RTL1: variants seen among roughly 807,000 people sequenced by gnomAD.
RTL1 encodes retrotransposon-like protein 1.
For missense variants in RTL1, 1,681 were observed against 1,767.5 expected (o/e 0.95, Z 0.88); for synonymous variants, 727 against 748.4 (o/e 0.97, Z 0.47).
At chr14:100,890,337 A>G (rs1404074963) in intron 3 of RTL1, among the ~76,000 whole-genome samples, 1 of 151,756 alleles carries the variant, frequency 6.6e-6, no homozygotes, top group East Asian at 1.9e-4. Context: ...CAAATCCCTC[A>G]GCAAATACCT....
At chr14:100,890,393 A>G (rs1349204801) in intron 3 of RTL1, among the ~76,000 whole-genome samples, 1 of 150,938 alleles carries the variant, frequency 6.6e-6, no homozygotes, top group Non-Finnish European at 1.5e-5. Context: ...TGATTTTAAA[A>G]ATAGAGCTTG....
At position 100,886,152 on chromosome 14, in the gene RTL1, C is replaced by G. The variant is rs1006003629; in HGVS notation, c.-86-1278G>C. Among the ~76,000 whole-genome samples the G allele has an allele frequency of 6.0e-5, 9 of 150,274 alleles. No individual in the cohort carries two copies. In the East Asian group the frequency reaches 1.6e-3, roughly 26 times the overall value. On this transcript the variant is annotated intron_variant, in intron 3 of 3. Coordinates refer to ENST00000649591, the MANE Select transcript of RTL1 (RefSeq NM_001134888.3). ...ATAGATTAACTGTAAAGCTACTGCT[C>G]TTTATAAATTTAACACCTTTTGTTA...
chr14:100,888,328 C>T (rs991471543), intron 3 of RTL1, among the ~76,000 whole-genome samples: 9 of 152,182 alleles, frequency 5.9e-5, no homozygotes, highest in African/African-American at 1.9e-4. Flanking sequence ...TAAAACTTCT[C>T]GAGGTTTCTT....
At position 100,884,618 on chromosome 14, in the gene RTL1, C is replaced by T. The variant is rs759857950; in HGVS notation, c.171G>A (p.Glu57=). Residue 57 remains glutamate (E), a synonymous_variant, in exon 4 of 4, where the codon GAG becomes GAA. Coordinates refer to ENST00000649591, the MANE Select transcript of RTL1 (RefSeq NM_001134888.3). The part of the protein sequence containing the change: ...PASGPAQEKK[E]PPSGPLQEME... ...TTTCCTGGAGTGGGCCACTGGGGGG[C>T]TCCTTCTTTTCCTGGGCTGGGCCGC... 11 of 1,613,692 alleles carry T rather than the reference C, an allele frequency of 6.8e-6. No homozygotes were observed. In the South Asian group the frequency reaches 9.9e-5, roughly 15 times the overall value.
At chr14:100,885,305 C>A (rs2140039100) in intron 3 of RTL1, among the ~76,000 whole-genome samples, 1 of 152,332 alleles carries the variant, frequency 6.6e-6, no homozygotes, top group African/African-American at 2.4e-5. Flanking sequence ...CCATCCAAAG[C>A]CACCCCTGGC....
chr14:100,884,057 G>A lies in RTL1; in HGVS notation c.732C>T (p.His244=), dbSNP rs764573462. 6.4e-7 allele frequency: 1 copy of A among 1,551,736 alleles called. No individual in the cohort carries two copies. Among genetic ancestry groups the A allele is most frequent in the Non-Finnish European group, 8.7e-7 (1 of 1,147,002 alleles). The change falls in exon 4 of 4, where the codon CAC becomes CAT. Residue 244 remains histidine, a synonymous_variant. Transcript: ENST00000649591. ...DRLRVGYVIN[H]LSGLALEWAK... The stretch of plus-strand genomic sequence containing the variant: ...CCCATTCTAATGCCAAGCCGGACAG[G>A]TGATTGATGACATAGCCAACTCTCA...
At position 100,884,453 on chromosome 14, in the gene RTL1, AT is replaced by A; in HGVS notation, c.335del (p.Asp112ValfsTer10). On this transcript the variant is annotated frameshift_variant, in exon 4 of 4. Transcript: ENST00000649591. LOFTEE classifies it low-confidence loss of function (END_TRUNC). The stretch of plus-strand genomic sequence containing the variant: ...TCCTATCAGATGCTCCACTGAGTGG[AT>A]CCCCCCTTGCCTGGTGTGAACCGTT... ...SCNGSHQARGDPLSGASDRMK... is the reference protein window; with the variant it reads ...SCNGSHQARGXPLSGASDRMK... 6.2e-7 allele frequency: 1 copy of A among 1,613,942 alleles called. No homozygotes were observed. Among genetic ancestry groups the A allele is most frequent in the Non-Finnish European group, 8.5e-7 (1 of 1,179,980 alleles).
rs538887841 is a variant in RTL1, at chr14:100,893,657, C to T, written c.-148-152G>A. Among the ~76,000 whole-genome samples, 2 of 152,252 alleles carry T rather than the reference C, an allele frequency of 1.3e-5. No individual in the cohort carries two copies. Among genetic ancestry groups the T allele is most frequent in the Non-Finnish European group, 2.9e-5 (2 of 68,036 alleles). ...CCTTTCTGTTGTGAGCTTTTTTCCA[C>T]GTGGCTACGTTGGGGACCTCCGTGA... On this transcript the variant is annotated intron_variant, in intron 2 of 3. Transcript: ENST00000649591. The surrounding 1 kb of genome is among the most constrained non-coding windows in gnomAD (Gnocchi z 4.2).
Position 100,881,150 on chromosome 14 carries a change from G to C in RTL1, c.3639C>G (p.Ala1213=). 6.5e-7 allele frequency: 1 copy of C among 1,549,662 alleles called. No individual in the cohort carries two copies. Among genetic ancestry groups the C allele is most frequent in the Non-Finnish European group, 8.7e-7 (1 of 1,145,896 alleles). ...GCTCCAGGTAGCGGTTCTGACGCAGGGCAGGGAGGTGGCCCTCCTGGGGGG... is the reference window on the plus strand; with the variant it reads ...GCTCCAGGTAGCGGTTCTGACGCAGCGCAGGGAGGTGGCCCTCCTGGGGGG... The part of the protein sequence containing the change: ...RVTPQEGHLP[A]LRQNRYLELH... The change falls in exon 4 of 4, where the codon GCC becomes GCG. Residue 1213 remains alanine, a synonymous_variant. Transcript: ENST00000649591. The surrounding 1 kb of genome is among the most constrained non-coding windows in gnomAD (Gnocchi z 6.6).
rs2038636899 is a variant in RTL1 at position 100,882,764 on chromosome 14, T to C, written c.2025A>G (p.Glu675=). Reference sequence around the variant, plus strand: ...CTTCGGTGCGGTGCCCGTTCACGCTTTCCTCCACAATGGTCCCACGCAGCT... The same window carrying C: ...CTTCGGTGCGGTGCCCGTTCACGCTCTCCTCCACAATGGTCCCACGCAGCT... ...KLELRGTIVE[E]SVNGHRTEDV... Residue 675 remains glutamate (E), a synonymous_variant, in exon 4 of 4, where the codon GAA becomes GAG. Transcript: ENST00000649591. The C allele has an allele frequency of 6.4e-7, 1 of 1,551,786 alleles. No homozygotes were observed. Among genetic ancestry groups the C allele is most frequent in the Non-Finnish European group, 8.7e-7 (1 of 1,147,052 alleles).
At chr14:100,894,767 A>G (rs2038831692) in intron 2 of RTL1, 3 of 152,284 alleles carry the variant, frequency 2.0e-5, no homozygotes, top group African/African-American at 7.2e-5. Context: ...GACCAAATCA[A>G]AAGGTCTGAA....
chr14:100,880,840 C>T lies in RTL1; in HGVS notation c.3949G>A (p.Ala1317Thr). The change falls in exon 4 of 4, where the codon GCC becomes ACC. Residue 1317 changes from alanine (A) to threonine (T), a missense_variant. Ala to Thr is a moderately conservative substitution (Grantham distance 58). Coordinates refer to ENST00000649591, the MANE Select transcript of RTL1 (RefSeq NM_001134888.3). The part of the protein sequence containing the change: ...HLLSREQAAR[A>T]LSQFLTLIYR... ...ATCAGGGTCAGGAACTGGCTCAGGGCCCTGGCTGCCTGCTCCCGGCTGAGC... is the reference window on the plus strand; with the variant it reads ...ATCAGGGTCAGGAACTGGCTCAGGGTCCTGGCTGCCTGCTCCCGGCTGAGC... 1 of 1,550,536 alleles carries T rather than the reference C, an allele frequency of 6.4e-7. No homozygotes were observed. Among genetic ancestry groups the T allele is most frequent in the Non-Finnish European group, 8.7e-7 (1 of 1,146,946 alleles).
Position 100,882,295 on chromosome 14 carries a change from G to C in RTL1, c.2494C>G (p.Pro832Ala). 6.4e-7 allele frequency: 1 copy of C among 1,551,686 alleles called. No homozygotes were observed. The highest frequency in any genetic ancestry group is 8.7e-7 in the Non-Finnish European group (1 of 1,147,014). The stretch of plus-strand genomic sequence containing the variant: ...GAGCTCAGCAGCTGCCGCACCAGGG[G>C]CTCTGCGATGATGCTGAAGCGCTCC... ...FVERFSIIAE[P>A]LVRQLLSSYQ... The change falls in exon 4 of 4, where the codon CCC (proline) becomes GCC (alanine). Residue 832 changes from proline (P) to alanine (A), a missense_variant. By Grantham distance (27) the Pro-to-Ala change is conservative. Transcript: ENST00000649591.
intron 2 of RTL1, among the ~76,000 whole-genome samples, chr14:100,901,715 C>A (rs774837436): frequency 6.6e-6 from 1 of 152,164 alleles, no homozygotes; most frequent in African/African-American, 2.4e-5. Flanking sequence ...GGAGCCAGGG[C>A]AGGTGCTTGG....
At chr14:100,894,572 G>A (rs2038829364) in intron 2 of RTL1, 1 of 152,308 alleles carries the variant, frequency 6.6e-6, no homozygotes, top group South Asian at 2.1e-4. Context: ...TGACTCCTTT[G>A]TCCCATCTTC....
chr14:100,881,491 G>T lies in RTL1; in HGVS notation c.3298C>A (p.Arg1100Ser), dbSNP rs993494482. ...LALAAILVLL[R>S]VRQCLSLRPA... ...CGCAGCGAGAGGCATTGCCTCACGC[G>T]CAGTAGCACGAGGATGGCTGCCAGG... Residue 1100 changes from arginine (R) to serine (S), a missense_variant, in exon 4 of 4, where the codon CGC (arginine) becomes AGC (serine). Transcript: ENST00000649591. This position sits in a 1 kb window ranked among gnomAD's most constrained non-coding sequence, Gnocchi z 6.6. 2 of 1,551,486 alleles carry T rather than the reference G, an allele frequency of 1.3e-6. No homozygotes were observed.
chr14:100,896,801 A>C (rs1033048293), intron 2 of RTL1, among the ~76,000 whole-genome samples: 4 of 152,188 alleles, frequency 2.6e-5, no homozygotes, highest in African/African-American at 9.7e-5. Context: ...CAGGGGGCAC[A>C]GTGAGGCCCC....
intron 2 of RTL1, among the ~76,000 whole-genome samples, chr14:100,896,952 A>T (rs1595344294): frequency 6.6e-6 from 1 of 152,208 alleles, no homozygotes; most frequent in East Asian, 1.9e-4. Context: ...ATCTCCAAGA[A>T]CACCGGCCAG....
rs2038600938 is a variant in RTL1 at position 100,881,008 on chromosome 14, C to T, written c.3781G>A (p.Asp1261Asn). The T allele has an allele frequency of 6.3e-7, 1 of 1,580,046 alleles. No individual in the cohort carries two copies. Residue 1261 changes from aspartate to asparagine, a missense_variant, in exon 4 of 4, where the codon GAC (aspartate) becomes AAC (asparagine). Coordinates refer to ENST00000649591, the MANE Select transcript of RTL1 (RefSeq NM_001134888.3). This position sits in a 1 kb window ranked among gnomAD's most constrained non-coding sequence, Gnocchi z 6.6. ...GLQDTSQDKQ[D>N]NDVQEAPPSH... ...GGTGGGGCCTCCTGCACGTCGTTGT[C>T]CTGCTTGTCCTGCGAGGTGTCTTGC...
Sources: gnomAD v4.1 joint callset for allele counts (sites outside exome capture counted in the v4.1 genomes callset) on GRCh38, gnomAD v4.1.1 for gene constraint, Gnocchi (gnomAD v3.1) non-coding constraint, MANE v1.5 for transcripts, NCBI Gene and HGNC (gene_info 2026-07-23, HGNC 2026-07-21) for gene names.